Variants in TPO observed in about 807,000 individuals in gnomAD.
TPO encodes the protein thyroid peroxidase.
A neutral mutation model predicts 96.9 loss-of-function variants in TPO; 78 were observed. The observed-to-expected ratio is 0.81, with a 90% CI of 0.67 to 0.97. TPO has a LOEUF of 0.97. TPO is among the 50% of genes least tolerant of loss of function. TPO has a pLI of 0.00. For missense variants in TPO, 1,252 were observed against 1,274.8 expected, an observed-to-expected ratio of 0.98 and a Z score of 0.27; for synonymous variants, 547 against 538.0, an observed-to-expected ratio of 1.02 and a Z score of -0.23.
chr2:1,386,910 G>C (rs1193467332), intron 1 of TPO, among the ~76,000 whole-genome samples: 1 of 152,148 alleles, frequency 6.6e-6, no homozygotes, highest in African/African-American at 2.4e-5. Flanking sequence ...AGGCCTGGTG[G>C]TGACAAAATC....
At chr2:1,531,154 C>A (rs1369447664) in intron 15 of TPO, among the ~76,000 whole-genome samples, 2 of 103,540 alleles carry the variant, frequency 1.9e-5, no homozygotes, top group African/African-American at 4.3e-5. Flanking sequence ...TGTGTGCAAC[C>A]TCCCCAAATC....
chr2:1,419,728 T>C (rs1967512), intron 2 of TPO, among the ~76,000 whole-genome samples: 59,655 of 151,874 alleles, frequency 0.39, 12,117 homozygotes, highest in Admixed American at 0.48. Context: ...TCTTGGAAAA[T>C]GATTGTTCTT....
chr2:1,436,922 C>A (rs1194746483), intron 5 of TPO, among the ~76,000 whole-genome samples: 1 of 152,212 alleles, frequency 6.6e-6, no homozygotes, highest in Non-Finnish European at 1.5e-5. Flanking sequence ...CACCCTCCTT[C>A]TCAACTCCTC....
intron 15 of TPO, among the ~76,000 whole-genome samples, chr2:1,536,883 C>A (rs1467595145): frequency 3.2e-4 from 39 of 120,976 alleles, no homozygotes; most frequent in African/African-American, 1.2e-3. Context: ...ACCCACCACT[C>A]TGTGCAACCT....
At chr2:1,385,780 T>A (rs1231090144) in intron 1 of TPO, among the ~76,000 whole-genome samples, 1 of 152,166 alleles carries the variant, frequency 6.6e-6, no homozygotes. Context: ...TGCTCTTGCT[T>A]CTCTAGTTCT....
At chr2:1,474,533 C>T (rs540187986) in intron 7 of TPO, among the ~76,000 whole-genome samples, 28 of 152,258 alleles carry the variant, frequency 1.8e-4, no homozygotes, top group African/African-American at 5.3e-4. Flanking sequence ...CCTATCCTTT[C>T]GAGATTTGAT....
chr2:1,513,225 G>T (rs1340034871), intron 14 of TPO, among the ~76,000 whole-genome samples: 2 of 152,250 alleles, frequency 1.3e-5, no homozygotes, highest in African/African-American at 4.8e-5. Flanking sequence ...CTGCCTGCAT[G>T]AGGAAGGGTG....
chr2:1,463,310 T>A (rs1668613932), intron 7 of TPO, among the ~76,000 whole-genome samples: 1 of 152,214 alleles, frequency 6.6e-6, no homozygotes, highest in Admixed American at 6.5e-5. Flanking sequence ...ATGAAAAATA[T>A]ACCGTATACT....
At chr2:1,416,981 G>A (rs1325865660) in intron 2 of TPO, among the ~76,000 whole-genome samples, 1 of 152,148 alleles carries the variant, frequency 6.6e-6, no homozygotes, top group East Asian at 1.9e-4. Flanking sequence ...CTGCTTGGTG[G>A]GTGGCTCACC....
At chr2:1,525,598 C>T (rs1409690380) in intron 15 of TPO, among the ~76,000 whole-genome samples, 1 of 110,144 alleles carries the variant, frequency 9.1e-6, no homozygotes, top group Non-Finnish European at 1.8e-5. Context: ...TGACCAAAAC[C>T]ACAAATCCCC....
chr2:1,392,266 T>C (rs1347418520), intron 1 of TPO, among the ~76,000 whole-genome samples: 3 of 152,216 alleles, frequency 2.0e-5, no homozygotes, highest in Admixed American at 1.3e-4. Flanking sequence ...GATAATCCTG[T>C]GGTTTTTGTC....
chr2:1,538,790 C>T (rs543971234), intron 15 of TPO, among the ~76,000 whole-genome samples: 2 of 152,250 alleles, frequency 1.3e-5, no homozygotes, highest in Admixed American at 1.3e-4. Flanking sequence ...TTGATGTTCT[C>T]ACAGTTCTGG....
intron 13 of TPO, among the ~76,000 whole-genome samples, chr2:1,498,067 C>T (rs1672534159): frequency 6.6e-6 from 1 of 151,232 alleles, no homozygotes; most frequent in African/African-American, 2.4e-5. Context: ...TGCTCAATGC[C>T]AGTGAACTGT....
chr2:1,465,549 T>C (rs968655052), intron 7 of TPO, among the ~76,000 whole-genome samples: 5 of 152,188 alleles, frequency 3.3e-5, no homozygotes, highest in Admixed American at 6.5e-5. Flanking sequence ...TGTGTCCCAT[T>C]TGTTTGTGTT....
chr2:1,447,179 G>C (rs1666907333), intron 5 of TPO, among the ~76,000 whole-genome samples: 1 of 152,138 alleles, frequency 6.6e-6, no homozygotes, highest in Admixed American at 6.5e-5. Context: ...ATTTCTGCTA[G>C]AACAGACTTC....
chr2:1,374,554 TTTC>T (rs1216584998), intron 1 of TPO, among the ~76,000 whole-genome samples: 4 of 152,218 alleles, frequency 2.6e-5, no homozygotes, highest in African/African-American at 4.8e-5. Context: ...CTGTGTTTAA[TTTC>T]TTCTTTCCAG....
intron 3 of TPO, among the ~76,000 whole-genome samples, chr2:1,432,028 C>T (rs11211646): frequency 1.1e-4 from 16 of 152,170 alleles, no homozygotes; most frequent in East Asian, 5.8e-4. Flanking sequence ...ACACACCTGC[C>T]GTGGTCACTT....
In TPO at chr2:1,518,951, G is replaced by A. The variant is rs147965033; in HGVS notation, c.2618+1969G>A. ...AATGAGACTGTCCTGGAGTAGAGGGGCCCCTAATTCAGTATAGCTGGTGTT... is the reference window on the plus strand; with the variant it reads ...AATGAGACTGTCCTGGAGTAGAGGGACCCCTAATTCAGTATAGCTGGTGTT... On this transcript the variant is annotated intron_variant, in intron 15 of 16. Coordinates refer to ENST00000329066, the MANE Select transcript of TPO (RefSeq NM_001206744.2). Among the ~76,000 whole-genome samples the A allele has an allele frequency of 1.2e-3, 179 of 152,330 alleles. 2 individuals are homozygous for A. Among genetic ancestry groups the A allele is most frequent in the African/African-American group, 3.3e-3 (138 of 41,576 alleles).
At chr2:1,459,946 CTTTTTTTTTTTT>C (rs142248718) in intron 7 of TPO, among the ~76,000 whole-genome samples, 1 of 140,076 alleles carries the variant, frequency 7.1e-6, no homozygotes, top group Non-Finnish European at 1.5e-5. Context: ...TTCTTTCTTT[CTTTTTTTTTTTT>C]TTTGAGCTGG....
Sources: gnomAD v4.1 joint callset for allele counts (sites outside exome capture counted in the v4.1 genomes callset) on GRCh38, gnomAD v4.1.1 for gene constraint, MANE v1.5 for transcripts, NCBI Gene and HGNC (gene_info 2026-07-23, HGNC 2026-07-21) for gene names.